The following CNP variants were observed in gnomAD, a reference collection of about 807,000 sequenced individuals.
The protein encoded by CNP is 2',3'-cyclic-nucleotide 3'-phosphodiesterase.
In CNP, 8 loss-of-function variants were observed where a neutral mutation model predicts 37.9. The observed-to-expected ratio is 0.21, with a 90% confidence interval of 0.12 to 0.38. CNP has a LOEUF of 0.38. Ranked by LOEUF, CNP falls within the 10% of genes least tolerant of loss-of-function variation. The pLI is 1.00. For synonymous variants in CNP, 237 were observed against 238.3 expected, an observed-to-expected ratio of 0.99 and a Z score of 0.05; for missense variants, 457 against 551.0, an observed-to-expected ratio of 0.83 and a Z score of 1.71.
chr17:41,968,686 G>A lies in CNP; in HGVS notation c.622G>A (p.Val208Ile). 1 of 1,613,982 alleles carries A rather than the reference G, an allele frequency of 6.2e-7. No homozygotes were observed. The highest frequency in any genetic ancestry group is 8.5e-7 in the Non-Finnish European group (1 of 1,179,938). ...SSETLRKAGQ[V>I]FLEELGNHKA... Reference sequence around the variant, plus strand: ...TGAGACCCTCCGCAAAGCCGGCCAGGTCTTCCTGGAAGAGCTGGGGAACCA... The same window carrying A: ...TGAGACCCTCCGCAAAGCCGGCCAGATCTTCCTGGAAGAGCTGGGGAACCA... The change falls in exon 2 of 4, where the codon GTC becomes ATC. Residue 208 changes from valine to isoleucine, a missense_variant. Val to Ile is a conservative substitution (Grantham distance 29). This residue lies in a region of CNP where 291 missense variants were observed against 291.7 expected (regional missense o/e 1.00). Coordinates refer to ENST00000393892, the MANE Select transcript of CNP (RefSeq NM_033133.5). This position sits in a 1 kb window ranked among gnomAD's most constrained non-coding sequence, Gnocchi z 4.8.
At chr17:41,967,191 A>T (rs1469118291) in intron 1 of CNP, 1 of 289,290 alleles carries the variant, frequency 3.5e-6, no homozygotes, top group Non-Finnish European at 6.4e-6. Flanking sequence ...TCCCGACCCC[A>T]CGCAGGCCCG....
intron 3 of CNP, among the ~76,000 whole-genome samples, chr17:41,972,849 G>A (rs1161319301): frequency 2.6e-5 from 4 of 152,196 alleles, no homozygotes; most frequent in African/African-American, 9.7e-5. Flanking sequence ...ACAAGGGATC[G>A]TGAGCAAAAA....
At chr17:41,971,799 C>G in intron 2 of CNP, 93 bp from the exon 3 acceptor site, 1 of 1,530,584 alleles carries the variant, frequency 6.5e-7, no homozygotes, top group Non-Finnish European at 8.9e-7. Context: ...GCTTAGTGTC[C>G]GAGTGTTTTG....
At chr17:41,966,923 C>A (rs782282799) in intron 1 of CNP, 36 bp downstream of exon 1, 2 of 1,305,142 alleles carry the variant, frequency 1.5e-6, no homozygotes, top group Non-Finnish European at 2.0e-6. Flanking sequence ...CGGGGTAGCA[C>A]CAGGGCGGGA....
Position 41,968,806 on chromosome 17 carries a change from C to T in CNP, c.676+66C>T, listed in dbSNP as rs2050941900. On this transcript the variant is annotated intron_variant, in intron 2 of 3. Transcript: ENST00000393892. The surrounding 1 kb of genome is among the most constrained non-coding windows in gnomAD (Gnocchi z 4.8). ...GCACAGGGTGCTGCGGGCAAAGGAC[C>T]ATCATTGTACTCAAAGGATGGAGCA... is the stretch of plus-strand genomic sequence containing the variant. 6.8e-7 allele frequency: 1 copy of T among 1,479,354 alleles called. No homozygotes were observed. Among genetic ancestry groups the T allele is most frequent in the Non-Finnish European group, 9.0e-7 (1 of 1,106,568 alleles). 91.6% of individuals were successfully genotyped at this position (1,479,354 alleles called of 1,614,324 possible).
chr17:41,972,841 A>G (rs2051010492), intron 3 of CNP, among the ~76,000 whole-genome samples: 1 of 152,242 alleles, frequency 6.6e-6, no homozygotes, highest in Non-Finnish European at 1.5e-5. Context: ...CTGTTGGGAC[A>G]AGGGATCGTG....
In CNP at chr17:41,977,534, T is replaced by C; in HGVS notation, c.*3610T>C. 2.3e-6 allele frequency: 1 copy of C among 441,068 alleles called. No homozygotes were observed. Among genetic ancestry groups the C allele is most frequent in the South Asian group, 3.7e-5 (1 of 27,134 alleles). 27.3% of individuals were successfully genotyped at this position (441,068 alleles called of 1,614,324 possible). ...GATCCCACTCCTAGGACATGTTCCC[T>C]TCTCCTTCCAACTGCTGCCCCAAAG... On this transcript the variant is annotated 3_prime_UTR_variant, in exon 4 of 4. Transcript: ENST00000393892.
In CNP at chr17:41,966,836, C is replaced by T. The variant is rs1555642936; in HGVS notation, c.-49C>T. On this transcript the variant is annotated 5_prime_UTR_variant, in exon 1 of 4. Transcript: ENST00000393892. ...GTCCCTCCGCGCAGGCGGGCGGCCC[C>T]GGAGCGCTGGTGCCGGCAGAGGCGG... The T allele has an allele frequency of 9.4e-6, 13 of 1,376,392 alleles. No homozygotes were observed. The highest frequency in any genetic ancestry group is 1.2e-5 in the Non-Finnish European group (13 of 1,066,682). The allele number at this position is 1,376,392 out of a possible 1,614,324, so 85.3% of individuals were successfully genotyped here. A position where few individuals can be genotyped will look rare whatever the true frequency, so the allele number is the denominator to read the frequency against.
intron 3 of CNP, among the ~76,000 whole-genome samples, chr17:41,973,201 C>T (rs1227676131): frequency 6.6e-6 from 1 of 152,200 alleles, no homozygotes; most frequent in Non-Finnish European, 1.5e-5. Context: ...GGCCGGAAGC[C>T]AGTGTGCAGG....
At position 41,969,715 on chromosome 17, in the gene CNP, C is replaced by T. The variant is rs146424578; in HGVS notation, c.676+975C>T. Among the ~76,000 whole-genome samples, 197 of 152,294 alleles carry T rather than the reference C, an allele frequency of 1.3e-3. 2 individuals carry two copies. Among genetic ancestry groups the T allele is most frequent in the African/African-American group, 4.6e-3 (193 of 41,566 alleles). ...GGACTACAGGTGTGCACCACCACGT[C>T]CAGCTAATTTTTGTATTTTTAGTAG... On this transcript the variant is annotated intron_variant, in intron 2 of 3. Coordinates refer to ENST00000393892, the MANE Select transcript of CNP (RefSeq NM_033133.5).
intron 3 of CNP, among the ~76,000 whole-genome samples, chr17:41,972,630 T>C (rs1189898266): frequency 6.6e-6 from 1 of 152,182 alleles, no homozygotes; most frequent in Non-Finnish European, 1.5e-5. Context: ...CCCACTTCTC[T>C]GCCTAGGTTA....
At chr17:41,970,080 A>G (rs1264996344) in intron 2 of CNP, among the ~76,000 whole-genome samples, 1 of 151,974 alleles carries the variant, frequency 6.6e-6, no homozygotes, top group East Asian at 1.9e-4. Context: ...CCCTGGAGTG[A>G]CTACTGCTCA....
In CNP at chr17:41,973,780, C is replaced by T. The variant is rs1555644241; in HGVS notation, c.1122C>T (p.Ser374=). 1.2e-6 allele frequency: 2 copies of T among 1,612,726 alleles called. No individual in the cohort carries two copies. Among genetic ancestry groups the T allele is most frequent in the Non-Finnish European group, 8.5e-7 (1 of 1,179,482 alleles). Residue 374 remains serine (S), a synonymous_variant, in exon 4 of 4, where the codon TCC becomes TCT. Transcript: ENST00000393892. ...AGCTAAGCCGGGGCAAGCTCTATTC[C>T]TTGGGCAATGGGCGCTGGATGCTGA... ...VGELSRGKLY[S]LGNGRWMLTL... is the part of the protein sequence containing the mutation.
chr17:41,971,490 C>T, intron 2 of CNP: 1 of 159,092 alleles, frequency 6.3e-6, no homozygotes, highest in South Asian at 1.8e-4. Flanking sequence ...CCTCTGCCTC[C>T]TGGGTTCAAG....
At chr17:41,971,295 C>A (rs1442858665) in intron 2 of CNP, 1 of 152,190 alleles carries the variant, frequency 6.6e-6, no homozygotes, top group Non-Finnish European at 1.5e-5. Context: ...GCTAGTAAAT[C>A]TTAGATTCCC....
chr17:41,970,071 C>T (rs1210400437), intron 2 of CNP, among the ~76,000 whole-genome samples: 2 of 152,038 alleles, frequency 1.3e-5, no homozygotes, highest in Non-Finnish European at 2.9e-5. Context: ...GTGGCTCTGC[C>T]CTGGAGTGAC....
chr17:41,966,986 GC>G lies in CNP; in HGVS notation c.3+100del, dbSNP rs1401331192. 8.1e-6 allele frequency: 10 copies of G among 1,233,574 alleles called. No individual in the cohort carries two copies. The African/African-American group carries it at 1.6e-4, about 19-fold the overall frequency. 76.4% of individuals were successfully genotyped at this position (1,233,574 alleles called of 1,614,324 possible). On this transcript the variant is annotated intron_variant, in intron 1 of 3. Coordinates refer to ENST00000393892, the MANE Select transcript of CNP (RefSeq NM_033133.5). ...AGCGTCTTGCAAACGAGGACCCGGG[GC>G]TCCGGGTTCGACTTCCAGTTTTCTT...
At position 41,966,841 on chromosome 17, in the gene CNP, CGCTGGTGCCGGCAGAG is replaced by C; in HGVS notation, c.-41_-26del. ...TCCGCGCAGGCGGGCGGCCCCGGAGCGCTGGTGCCGGCAGAGGCGGCGACGGTGGCGCCCCTCCTCA... is the reference window on the plus strand; with the variant it reads ...TCCGCGCAGGCGGGCGGCCCCGGAGCGCGGCGACGGTGGCGCCCCTCCTCA... On this transcript the variant is annotated 5_prime_UTR_variant, in exon 1 of 4. Transcript: ENST00000393892. 7.3e-7 allele frequency: 1 copy of C among 1,374,688 alleles called. No individual in the cohort carries two copies. 85.2% of individuals were successfully genotyped at this position (1,374,688 alleles called of 1,614,324 possible).
rs529038216 is a variant in CNP at position 41,976,533 on chromosome 17, G to A, written c.*2609G>A. ...ACAAGCTGCCTCCCTGTCCACCCCC[G>A]CCTCCCTCCCCTGCCCTCGGTCTTC... On this transcript the variant is annotated 3_prime_UTR_variant, in exon 4 of 4. Transcript: ENST00000393892. 55 of 388,436 alleles carry A rather than the reference G, an allele frequency of 1.4e-4. No homozygotes were observed. Among genetic ancestry groups the A allele is most frequent in the East Asian group, 9.9e-4 (14 of 14,110 alleles). The allele number at this position is 388,436 out of a possible 1,614,324, so 24.1% of individuals were successfully genotyped here.
Sources: gnomAD v4.1 joint callset for allele counts (sites outside exome capture counted in the v4.1 genomes callset) on GRCh38, gnomAD v4.1.1 for gene constraint, gnomAD v4.1.1 regional missense constraint, Gnocchi (gnomAD v3.1) non-coding constraint, MANE v1.5 for transcripts, NCBI Gene and HGNC (gene_info 2026-07-23, HGNC 2026-07-21) for gene names.